GLIS3: variants seen among roughly 807,000 people sequenced by gnomAD.
The protein encoded by GLIS3 is GLIS family zinc finger 3, also known as zinc finger protein GLIS3.
Under a neutral mutation model 78.6 loss-of-function variants are expected in GLIS3, and 53 were observed. The observed-to-expected ratio is 0.67, with a 90% CI of 0.54 to 0.85. GLIS3 has a LOEUF of 0.85. Ranked by LOEUF, GLIS3 falls within the 40% of genes least tolerant of loss-of-function variation. GLIS3 has a pLI of 0.00. For synonymous variants in GLIS3, 684 were observed against 509.9 expected, an observed-to-expected ratio of 1.34 and a Z score of -4.60; for missense variants, 1,703 against 1,231.1, an observed-to-expected ratio of 1.38 and a Z score of -5.74.
At chr9:3,908,886 A>T (rs1251883708) in intron 6 of GLIS3, among the ~76,000 whole-genome samples, 3 of 152,126 alleles carry the variant, frequency 2.0e-5, no homozygotes, top group African/African-American at 7.2e-5. Flanking sequence ...CAGATTCTTC[A>T]ATTTTCAGTT....
chr9:4,376,462 G>A, the GLIS3 span, among the ~76,000 whole-genome samples: 6,853 of 80,760 alleles, frequency 0.085, 1,609 homozygotes, highest in South Asian at 0.34. Context: ...AAACCACAAA[G>A]GAAAGACTGA....
the GLIS3 span, among the ~76,000 whole-genome samples, chr9:4,353,990 G>T: frequency 2.0e-5 from 2 of 98,028 alleles, no homozygotes; most frequent in Non-Finnish European, 4.5e-5. Flanking sequence ...GCCACACCCG[G>T]CTATTTTTTT....
intron 4 of GLIS3, among the ~76,000 whole-genome samples, chr9:4,003,479 G>C (rs1821281510): frequency 6.6e-6 from 1 of 152,122 alleles, no homozygotes; most frequent in African/African-American, 2.4e-5. Flanking sequence ...GAATAGAGTG[G>C]CATCCCCCTT....
At chr9:4,264,560 C>G (rs913594956) in intron 2 of GLIS3, among the ~76,000 whole-genome samples, 2 of 152,098 alleles carry the variant, frequency 1.3e-5, no homozygotes, top group African/African-American at 4.8e-5. Context: ...CTGGCTGTAC[C>G]TCAATCAAAT....
the GLIS3 span, among the ~76,000 whole-genome samples, chr9:4,419,567 A>G: frequency 6.6e-6 from 1 of 152,042 alleles, no homozygotes; most frequent in Non-Finnish European, 1.5e-5. Context: ...AGGCGGGTGG[A>G]TCACTTGAGG....
chr9:4,128,640 G>A (rs368605853), intron 2 of GLIS3, among the ~76,000 whole-genome samples: 2 of 152,118 alleles, frequency 1.3e-5, no homozygotes, highest in African/African-American at 4.8e-5. Flanking sequence ...ATCCTTTGAT[G>A]TCTCTCCACA....
At chr9:4,067,152 T>A (rs1247143973) in intron 4 of GLIS3, among the ~76,000 whole-genome samples, 2 of 129,132 alleles carry the variant, frequency 1.5e-5, no homozygotes, top group African/African-American at 6.3e-5. Context: ...AGACTTAGAA[T>A]CTTCTTTTAT....
chr9:3,845,145 A>G (rs2130114953), intron 9 of GLIS3, among the ~76,000 whole-genome samples: 1 of 152,318 alleles, frequency 6.6e-6, no homozygotes, highest in East Asian at 1.9e-4. Context: ...GAATTGCTAG[A>G]AAAAGTAAAA....
At chr9:4,292,352 T>A (rs950885006) in intron 1 of GLIS3, among the ~76,000 whole-genome samples, 1 of 152,162 alleles carries the variant, frequency 6.6e-6, no homozygotes, top group Admixed American at 6.5e-5. Context: ...TATCTGCCCA[T>A]TTGTATGCAT....
chr9:4,397,702 G>A, the GLIS3 span, among the ~76,000 whole-genome samples: 4 of 56,702 alleles, frequency 7.1e-5, no homozygotes, highest in African/African-American at 1.7e-4. Flanking sequence ...GGGAGGGAGG[G>A]AGGAAGGCAG....
At chr9:4,408,231 G>C in the GLIS3 span, among the ~76,000 whole-genome samples, 2 of 152,002 alleles carry the variant, frequency 1.3e-5, no homozygotes, top group Admixed American at 6.6e-5. Flanking sequence ...CAAAAATAGA[G>C]CTACCATATG....
chr9:3,978,948 A>T (rs948039564), intron 4 of GLIS3, among the ~76,000 whole-genome samples: 3 of 152,206 alleles, frequency 2.0e-5, no homozygotes, highest in African/African-American at 7.2e-5. Context: ...TACATTAGGT[A>T]TTATAAATAA....
intron 8 of GLIS3, among the ~76,000 whole-genome samples, chr9:3,864,429 C>T (rs1399011437): frequency 1.3e-5 from 2 of 152,146 alleles, no homozygotes; most frequent in African/African-American, 2.4e-5. Flanking sequence ...ATGGACTATC[C>T]AGTATCCCAG....
At chr9:4,167,234 G>C (rs1564142518) in intron 2 of GLIS3, among the ~76,000 whole-genome samples, 1 of 151,758 alleles carries the variant, frequency 6.6e-6, no homozygotes, top group Non-Finnish European at 1.5e-5. Flanking sequence ...AGATTCCATA[G>C]AAGTATGTAT....
At chr9:4,366,722 C>T in the GLIS3 span, among the ~76,000 whole-genome samples, 1 of 152,174 alleles carries the variant, frequency 6.6e-6, no homozygotes, top group African/African-American at 2.4e-5. Flanking sequence ...AGGCTCCAGG[C>T]CTAGGAGTGC....
At chr9:4,466,836 G>A in the GLIS3 span, among the ~76,000 whole-genome samples, 5 of 152,224 alleles carry the variant, frequency 3.3e-5, no homozygotes, top group South Asian at 2.1e-4. Context: ...GCAGGGCATC[G>A]CCTCATCCAG....
intron 2 of GLIS3, among the ~76,000 whole-genome samples, chr9:4,148,225 C>T (rs752485078): frequency 2.6e-5 from 4 of 152,108 alleles, no homozygotes; most frequent in Non-Finnish European, 5.9e-5. Context: ...CTAATTATTG[C>T]TGATTCTAGA....
chr9:4,372,874 G>A, the GLIS3 span, among the ~76,000 whole-genome samples: 3 of 152,110 alleles, frequency 2.0e-5, no homozygotes, highest in Admixed American at 6.5e-5. Context: ...CAATGATAGG[G>A]ACTCCACCAT....
intron 2 of GLIS3, among the ~76,000 whole-genome samples, chr9:4,332,747 G>A (rs1255443886): frequency 6.6e-6 from 1 of 152,142 alleles, no homozygotes; most frequent in Non-Finnish European, 1.5e-5. Context: ...GCTCTCTATT[G>A]ATACAGATTA....
Sources: allele counts gnomAD v4.1 joint callset (sites outside exome capture counted in the v4.1 genomes callset), GRCh38; gene constraint gnomAD v4.1.1; transcripts MANE v1.5; gene names NCBI Gene and HGNC (gene_info 2026-07-23, HGNC 2026-07-21).